The following BLTP3B variants were observed in gnomAD, a reference collection of about 807,000 sequenced individuals.
BLTP3B encodes the protein bridge-like lipid transfer protein family member 3B.
the BLTP3B span, among the ~76,000 whole-genome samples, chr12:100,092,237 C>T: frequency 6.6e-6 from 1 of 152,314 alleles, no homozygotes; most frequent in African/African-American, 2.4e-5. Flanking sequence ...ACACTGTTAA[C>T]TAATTCACTT....
At chr12:100,120,149 G>C in the BLTP3B span, among the ~76,000 whole-genome samples, 1 of 152,162 alleles carries the variant, frequency 6.6e-6, no homozygotes, top group Non-Finnish European at 1.5e-5. Flanking sequence ...GGCCTAGGCG[G>C]GCGGATCACC....
the BLTP3B span, chr12:100,058,996 C>T: frequency 6.2e-7 from 1 of 1,614,000 alleles, no homozygotes; most frequent in Non-Finnish European, 8.5e-7. Context: ...TTCAATCGGC[C>T]AGCCAGATCA....
chr12:100,083,686 C>T, the BLTP3B span, among the ~76,000 whole-genome samples: 1 of 145,704 alleles, frequency 6.9e-6, no homozygotes, highest in Non-Finnish European at 1.5e-5. Context: ...GCTTACTGGG[C>T]CAGCAAAAAA....
chr12:100,037,612 T>C, the BLTP3B span: 13 of 1,606,668 alleles, frequency 8.1e-6, no homozygotes, highest in African/African-American at 1.3e-4. Flanking sequence ...AGAGCTATAA[T>C]TTCAGTTTTG....
chr12:100,111,796 G>A, the BLTP3B span, among the ~76,000 whole-genome samples: 1,177 of 152,004 alleles, frequency 7.7e-3, 13 homozygotes, highest in African/African-American at 0.027. Flanking sequence ...AGTAGAGACG[G>A]GGTTTCACCA....
the BLTP3B span, among the ~76,000 whole-genome samples, chr12:100,078,760 T>A: frequency 6.6e-6 from 1 of 152,180 alleles, no homozygotes. Context: ...TATTATTACA[T>A]CAGTGTACTG....
the BLTP3B span, chr12:100,060,104 A>C: frequency 7.9e-7 from 1 of 1,262,070 alleles, no homozygotes; most frequent in Non-Finnish European, 1.1e-6. Context: ...CTTCCCTGAG[A>C]ACAAAAAATA....
chr12:100,080,360 T>G, the BLTP3B span, among the ~76,000 whole-genome samples: 5 of 151,898 alleles, frequency 3.3e-5, no homozygotes, highest in East Asian at 1.9e-4. Flanking sequence ...TTTTTTTTTT[T>G]TTTTTGTTTT....
chr12:100,059,190 A>G, the BLTP3B span: 2 of 1,614,172 alleles, frequency 1.2e-6, no homozygotes, highest in South Asian at 2.2e-5. Context: ...AGAAAAGTAC[A>G]CAGCCCAAAC....
the BLTP3B span, chr12:100,047,520 T>C: frequency 1.9e-6 from 3 of 1,581,518 alleles, no homozygotes; most frequent in Non-Finnish European, 1.7e-6. Flanking sequence ...AAATAGTTTT[T>C]CATATATACC....
chr12:100,054,177 A>C, the BLTP3B span, among the ~76,000 whole-genome samples: 1 of 152,212 alleles, frequency 6.6e-6, no homozygotes, highest in Non-Finnish European at 1.5e-5. Flanking sequence ...AATCTTTAAA[A>C]GGCTATGGTA....
At chr12:100,068,076 T>G in the BLTP3B span, among the ~76,000 whole-genome samples, 12 of 152,224 alleles carry the variant, frequency 7.9e-5, no homozygotes, top group African/African-American at 2.9e-4. Context: ...ACTGGAGGCA[T>G]CATATTACCT....
At chr12:100,085,220 C>T in the BLTP3B span, among the ~76,000 whole-genome samples, 1 of 151,774 alleles carries the variant, frequency 6.6e-6, no homozygotes. Flanking sequence ...AGGGTTAAGA[C>T]AATAAAATCA....
chr12:100,141,797 A>G, the BLTP3B span, among the ~76,000 whole-genome samples: 1 of 152,216 alleles, frequency 6.6e-6, no homozygotes, highest in African/African-American at 2.4e-5. Context: ...ACAAACTGCC[A>G]GCCTTACTGA....
the BLTP3B span, chr12:100,051,312 C>T: frequency 1.1e-5 from 13 of 1,152,436 alleles, no homozygotes; most frequent in South Asian, 2.1e-5. Flanking sequence ...TGGACTATCC[C>T]TTCAACTCTT....
chr12:100,109,068 G>A, the BLTP3B span, among the ~76,000 whole-genome samples: 1 of 151,946 alleles, frequency 6.6e-6, no homozygotes, highest in African/African-American at 2.4e-5. Flanking sequence ...GGAGCTGGTG[G>A]GAGGTGACTG....
chr12:100,045,405 G>C, the BLTP3B span, among the ~76,000 whole-genome samples: 1 of 152,018 alleles, frequency 6.6e-6, no homozygotes, highest in African/African-American at 2.4e-5. Context: ...ACATAACAGA[G>C]GCCTGACAAA....
chr12:100,093,788 A>G, the BLTP3B span, among the ~76,000 whole-genome samples: 1 of 152,206 alleles, frequency 6.6e-6, no homozygotes. Flanking sequence ...AAATTGTAAT[A>G]TATCGTGAGG....
the BLTP3B span, among the ~76,000 whole-genome samples, chr12:100,039,056 C>T: frequency 6.6e-6 from 1 of 151,946 alleles, no homozygotes; most frequent in Non-Finnish European, 1.5e-5. Flanking sequence ...ATCCCTAGCT[C>T]AGAGCTGACA....
Sources: gnomAD v4.1 joint callset for allele counts (sites outside exome capture counted in the v4.1 genomes callset) on GRCh38, gnomAD v4.1.1 for gene constraint, MANE v1.5 for transcripts, NCBI Gene and HGNC (gene_info 2026-07-23, HGNC 2026-07-21) for gene names.